Variants in SHKBP1 observed in about 807,000 individuals in gnomAD.
The protein encoded by SHKBP1 is SH3KBP1 binding protein 1.
In SHKBP1, 71 loss-of-function variants were observed where a neutral mutation model predicts 83.9. The ratio of observed to expected loss-of-function variants is 0.85; its 90% CI spans 0.70 to 1.03. SHKBP1 has a LOEUF of 1.03. Ranked by LOEUF, SHKBP1 falls within the 50% of genes least tolerant of loss-of-function variation. SHKBP1 has a pLI of 0.00. For missense variants in SHKBP1, 824 were observed against 982.4 expected (o/e 0.84, Z 2.16); for synonymous variants, 371 against 398.0 (o/e 0.93, Z 0.81).
chr19:40,588,016 A>C (rs1318918885), intron 13 of SHKBP1, among the ~76,000 whole-genome samples: 4 of 152,228 alleles, frequency 2.6e-5, no homozygotes, highest in African/African-American at 9.6e-5. Context: ...GGGGTCATTC[A>C]GGGAAGGCCT....
chr19:40,578,515 C>G lies in SHKBP1; in HGVS notation c.373C>G (p.Leu125Val). Residue 125 changes from leucine (L) to valine (V), a missense_variant, in exon 6 of 18, where the codon CTC becomes GTC. Transcript: ENST00000291842. ...GGATCGATCTTCTTGTGGAAACGTC[C>G]TCTTCAATGGTTACCTGCCGCCACC... ...ELDRSSCGNV[L>V]FNGYLPPPVF... 6.2e-7 allele frequency: 1 copy of G among 1,614,156 alleles called. No homozygotes were observed. The highest frequency in any genetic ancestry group is 8.5e-7 in the Non-Finnish European group (1 of 1,180,036).
chr19:40,587,685 G>C (rs1038637888), intron 13 of SHKBP1, among the ~76,000 whole-genome samples: 9 of 152,240 alleles, frequency 5.9e-5, no homozygotes, highest in African/African-American at 2.2e-4. Flanking sequence ...AGGATTGCTT[G>C]AGGCTAGGAG....
intron 9 of SHKBP1, 104 bp from the exon 10 acceptor site, chr19:40,582,247 G>T: frequency 1.1e-6 from 1 of 886,210 alleles, no homozygotes; most frequent in South Asian, 1.3e-5. Flanking sequence ...TATCCTTCAA[G>T]GATTCTGTGG....
intron 3 of SHKBP1, 54 bp from the exon 4 acceptor site, chr19:40,577,502 AC>A: frequency 6.2e-7 from 1 of 1,613,296 alleles, no homozygotes; most frequent in Non-Finnish European, 8.5e-7. Context: ...GAGGGGCAGG[AC>A]CCCACTCAGT....
intron 6 of SHKBP1, chr19:40,580,031 CAAAAAAAAAAAA>C (rs35620022): frequency 1.7e-5 from 1 of 57,980 alleles, no homozygotes; most frequent in South Asian, 2.5e-4. Flanking sequence ...AACTCCAACT[CAAAAAAAAAAAA>C]AAAAAAAAAA....
At chr19:40,581,314 C>T (rs911484852) in intron 9 of SHKBP1, among the ~76,000 whole-genome samples, 2 of 151,134 alleles carry the variant, frequency 1.3e-5, no homozygotes, top group Non-Finnish European at 3.0e-5. Flanking sequence ...AGTTCGAGAC[C>T]CCCTTGGCCA....
In SHKBP1 at chr19:40,580,348, G is replaced by C. The variant is rs774556159; in HGVS notation, c.425G>C (p.Arg142Pro). 1.2e-6 allele frequency: 2 copies of C among 1,614,072 alleles called. No individual in the cohort carries two copies. The highest frequency in any genetic ancestry group is 3.3e-5 in the Admixed American group (2 of 60,008). Residue 142 changes from arginine to proline, a missense_variant, in exon 7 of 18, where the codon CGG (arginine) becomes CCG (proline). Physicochemically the swap from Arg to Pro is moderately radical, Grantham distance 103. Around this residue, in one of 3 missense-constraint regions of SHKBP1, gnomAD observed 355 missense variants for 386.4 expected, o/e 0.92. Transcript: ENST00000291842. ...GTGTTCCCAGTGAAGCGGCGGAACC[G>C]GCACAGCCTAGTGGGGCCTCAGCAG... ...PPVFPVKRRN[R>P]HSLVGPQQLG...
At chr19:40,581,003 C>A (rs564532408) in intron 9 of SHKBP1, 67 bp downstream of exon 9, 11 of 1,428,966 alleles carry the variant, frequency 7.7e-6, no homozygotes, top group African/African-American at 7.1e-5. Flanking sequence ...AAATGACCCA[C>A]CCCATAAAAT....
intron 13 of SHKBP1, among the ~76,000 whole-genome samples, chr19:40,587,553 T>C (rs2081322627): frequency 6.6e-6 from 1 of 152,124 alleles, no homozygotes; most frequent in Admixed American, 6.5e-5. Flanking sequence ...ATCATGCTAC[T>C]GCACTCCAGC....
At chr19:40,584,053 C>G (rs2081292158) in intron 12 of SHKBP1, among the ~76,000 whole-genome samples, 1 of 152,134 alleles carries the variant, frequency 6.6e-6, no homozygotes, top group Non-Finnish European at 1.5e-5. Context: ...GTTGGCCAGG[C>G]TGGTCTTGAA....
intron 15 of SHKBP1, 142 bp downstream of exon 15, chr19:40,589,320 G>A: frequency 2.4e-6 from 2 of 836,286 alleles, no homozygotes; most frequent in Non-Finnish European, 3.9e-6. Context: ...GCAAAGGCTG[G>A]GAGGGAGGAC....
Position 40,590,331 on chromosome 19 carries a change from G to A in SHKBP1, c.1677G>A (p.Arg559=), listed in dbSNP as rs772276847. The part of the protein sequence containing the change: ...ECEGSRRLGS[R]PRRYLLTGQA... ...AGGGCTCCCGGCGGCTCGGCTCTCG[G>A]CCCCGGCGCTACCTGCTCACTGGCC... Residue 559 remains arginine, a synonymous_variant, in exon 16 of 18, where the codon CGG becomes CGA. Coordinates refer to ENST00000291842, the MANE Select transcript of SHKBP1 (RefSeq NM_138392.4). This position sits in a 1 kb window ranked among gnomAD's most constrained non-coding sequence, Gnocchi z 4.6. The A allele has an allele frequency of 9.3e-6, 15 of 1,610,882 alleles. No individual in the cohort carries two copies. In the South Asian group the frequency reaches 1.5e-4, roughly 17 times the overall value.
At chr19:40,577,655 G>A (rs2081229349) in intron 4 of SHKBP1, 25 bp downstream of exon 4, 1 of 1,611,890 alleles carries the variant, frequency 6.2e-7, no homozygotes, top group Non-Finnish European at 8.5e-7. Flanking sequence ...AGGGGAGGGA[G>A]TCCCTCACTG....
Position 40,590,239 on chromosome 19 carries a change from C to T in SHKBP1, c.1590-5C>T. 1 of 1,574,246 alleles carries T rather than the reference C, an allele frequency of 6.4e-7. No homozygotes were observed. Among genetic ancestry groups the T allele is most frequent in the Non-Finnish European group, 8.6e-7 (1 of 1,161,744 alleles). On this transcript the variant is annotated splice_polypyrimidine_tract_variant and splice_region_variant and intron_variant, in intron 15 of 17. Transcript: ENST00000291842. The surrounding 1 kb of genome is among the most constrained non-coding windows in gnomAD (Gnocchi z 4.6). ...GGTGACCACCTCCCCCACTGCACCC[C>T]CCAGGGTGTGCTCCGTGCGCTCCGT... is the stretch of plus-strand genomic sequence containing the variant.
intron 13 of SHKBP1, among the ~76,000 whole-genome samples, chr19:40,587,704 C>T (rs566664143): frequency 4.1e-4 from 62 of 152,146 alleles, no homozygotes; most frequent in Non-Finnish European, 6.5e-4. Context: ...AGTGTGAGAC[C>T]AACCTGGACA....
intron 11 of SHKBP1, 57 bp downstream of exon 11, chr19:40,583,542 G>A: frequency 1.9e-6 from 3 of 1,611,176 alleles, no homozygotes; most frequent in Non-Finnish European, 2.5e-6. Flanking sequence ...GAGGGGAAGG[G>A]AGGGAGAGAG....
In SHKBP1 at chr19:40,578,199, G is replaced by A; in HGVS notation, c.306G>A (p.Gly102=). Residue 102 remains glycine, a synonymous_variant, in exon 5 of 18, where the codon GGG becomes GGA. Coordinates refer to ENST00000291842, the MANE Select transcript of SHKBP1 (RefSeq NM_138392.4). ...SSLLHEAQFY[G]LTPLVRRLQL... ...TCCTCCATGAAGCCCAGTTCTATGG[G>A]CTCACTCCTCTGGGTAAGTGGGAGC... 6.2e-7 allele frequency: 1 copy of A among 1,614,100 alleles called. No individual in the cohort carries two copies. Among genetic ancestry groups the A allele is most frequent in the South Asian group, 1.1e-5 (1 of 91,088 alleles).
intron 8 of SHKBP1, 45 bp downstream of exon 8, chr19:40,580,701 G>T: frequency 6.2e-7 from 1 of 1,613,912 alleles, no homozygotes; most frequent in Non-Finnish European, 8.5e-7. Context: ...CTGTTGATGG[G>T]AAGGGCATGC....
intron 10 of SHKBP1, 98 bp from the exon 11 acceptor site, chr19:40,583,300 T>G: frequency 2.0e-6 from 2 of 990,358 alleles, no homozygotes; most frequent in Admixed American, 2.5e-5. Context: ...GGGTGGGTTC[T>G]GGAGGTGGAG....
Sources: gnomAD v4.1 joint callset for allele counts (sites outside exome capture counted in the v4.1 genomes callset) on GRCh38, gnomAD v4.1.1 for gene constraint, gnomAD v4.1.1 regional missense constraint, Gnocchi (gnomAD v3.1) non-coding constraint, MANE v1.5 for transcripts, NCBI Gene and HGNC (gene_info 2026-07-23, HGNC 2026-07-21) for gene names.